PAK5: variants seen among roughly 807,000 people sequenced by gnomAD.
PAK5 encodes p21 (RAC1) activated kinase 5, also known as serine/threonine-protein kinase PAK 5.
PAK5 carries 16 observed loss-of-function variants against 65.9 expected under a neutral mutation model. That is an observed-to-expected ratio of 0.24 (90% confidence interval 0.16 to 0.37). The LOEUF is 0.37. Ranked by LOEUF, PAK5 falls within the 10% of genes least tolerant of loss-of-function variation. PAK5 has a pLI of 1.00. For synonymous variants in PAK5, 371 were observed against 354.9 expected, an observed-to-expected ratio of 1.05 and a Z score of -0.51; for missense variants, 785 against 903.9, an observed-to-expected ratio of 0.87 and a Z score of 1.69.
At chr20:9,790,112 A>C (rs1160774105) in intron 1 of PAK5, among the ~76,000 whole-genome samples, 1 of 152,160 alleles carries the variant, frequency 6.6e-6, no homozygotes, top group Non-Finnish European at 1.5e-5. Context: ...AGCCTGCTTT[A>C]TGCAGAGGCA....
intron 1 of PAK5, among the ~76,000 whole-genome samples, chr20:9,836,095 G>C (rs914826453): frequency 6.6e-6 from 1 of 152,088 alleles, no homozygotes; most frequent in Non-Finnish European, 1.5e-5. Flanking sequence ...CCCTACCATG[G>C]TTGTGTATAT....
At chr20:9,636,162 G>T (rs1395314425) in intron 3 of PAK5, among the ~76,000 whole-genome samples, 1 of 152,090 alleles carries the variant, frequency 6.6e-6, no homozygotes, top group Non-Finnish European at 1.5e-5. Flanking sequence ...TGGGAAAGCA[G>T]ATTTTTAAAA....
rs138953626 is a variant in PAK5 at position 9,598,176 on chromosome 20, T to G, written c.205-17246A>C. ...TCCCTGTGTCCATGTTTTCTCATTGTTCAGCTCCCACTTATGAGTGAGAAC... is the reference window on the plus strand; with the variant it reads ...TCCCTGTGTCCATGTTTTCTCATTGGTCAGCTCCCACTTATGAGTGAGAAC... On this transcript the variant is annotated intron_variant, in intron 3 of 9. Coordinates refer to ENST00000353224, the MANE Select transcript of PAK5 (RefSeq NM_177990.4). 1.4e-3 allele frequency among the ~76,000 whole-genome samples: 219 copies of G among 152,324 alleles called. 2 individuals carry two copies. Among genetic ancestry groups the G allele is most frequent in the African/African-American group, 4.9e-3 (202 of 41,582 alleles).
chr20:9,578,413 T>A (rs1312825779), intron 4 of PAK5, among the ~76,000 whole-genome samples: 1 of 152,218 alleles, frequency 6.6e-6, no homozygotes, highest in Non-Finnish European at 1.5e-5. Flanking sequence ...CTATTTGGAC[T>A]ATAGACATGT....
intron 1 of PAK5, among the ~76,000 whole-genome samples, chr20:9,736,261 T>G (rs778529146): frequency 6.6e-6 from 1 of 152,110 alleles, no homozygotes; most frequent in Admixed American, 6.5e-5. Flanking sequence ...GAACAACATA[T>G]GACCAACCTG....
At chr20:9,749,249 A>G (rs1278354857) in intron 1 of PAK5, among the ~76,000 whole-genome samples, 1 of 152,160 alleles carries the variant, frequency 6.6e-6, no homozygotes, top group Non-Finnish European at 1.5e-5. Context: ...ATTGAGAGCT[A>G]CCAACTCACA....
chr20:9,635,648 G>A (rs376778090), intron 3 of PAK5, among the ~76,000 whole-genome samples: 1 of 152,110 alleles, frequency 6.6e-6, no homozygotes, highest in Non-Finnish European at 1.5e-5. Context: ...TGTTCATCCA[G>A]ATGAGAACTT....
intron 2 of PAK5, among the ~76,000 whole-genome samples, chr20:9,648,149 GAC>G (rs2047157317): frequency 6.6e-6 from 1 of 152,134 alleles, no homozygotes; most frequent in Admixed American, 6.6e-5. Flanking sequence ...GAACTCATAG[GAC>G]TCTGCATACA....
chr20:9,593,154 A>C (rs2046202548), intron 3 of PAK5, among the ~76,000 whole-genome samples: 1 of 151,944 alleles, frequency 6.6e-6, no homozygotes, highest in African/African-American at 2.4e-5. Flanking sequence ...AGAAAAAAAA[A>C]ATAGCTGGGC....
At chr20:9,725,035 C>T (rs892040536) in intron 1 of PAK5, among the ~76,000 whole-genome samples, 1 of 151,836 alleles carries the variant, frequency 6.6e-6, no homozygotes, top group African/African-American at 2.4e-5. Context: ...TAACTACATA[C>T]CCACAAAAAT....
At chr20:9,801,721 A>C (rs1383154645) in intron 1 of PAK5, among the ~76,000 whole-genome samples, 1 of 152,068 alleles carries the variant, frequency 6.6e-6, no homozygotes, top group Non-Finnish European at 1.5e-5. Flanking sequence ...AAGATTTGTA[A>C]TTCAACATTT....
chr20:9,620,565 A>T (rs2046749870), intron 3 of PAK5, among the ~76,000 whole-genome samples: 1 of 152,188 alleles, frequency 6.6e-6, no homozygotes, highest in Non-Finnish European at 1.5e-5. Context: ...GATGGGGAAG[A>T]GGTTGCGCTC....
At chr20:9,836,891 T>G (rs1429282192) in intron 1 of PAK5, among the ~76,000 whole-genome samples, 2 of 152,162 alleles carry the variant, frequency 1.3e-5, no homozygotes, top group Non-Finnish European at 2.9e-5. Flanking sequence ...AACTGAGGCT[T>G]AGGAAAGTTA....
chr20:9,643,024 G>A (rs765168553), intron 3 of PAK5, among the ~76,000 whole-genome samples: 7 of 152,174 alleles, frequency 4.6e-5, no homozygotes, highest in Non-Finnish European at 8.8e-5. Flanking sequence ...TATTTCATAA[G>A]CATTTCCCAT....
intron 7 of PAK5, among the ~76,000 whole-genome samples, chr20:9,553,022 C>A (rs2045452985): frequency 6.6e-6 from 1 of 152,126 alleles, no homozygotes; most frequent in African/African-American, 2.4e-5. Context: ...CCACCACGCC[C>A]TGCCAACTTT....
At chr20:9,807,762 A>AATAATAATAATAATAAT (rs151079489) in intron 1 of PAK5, among the ~76,000 whole-genome samples, 1 of 142,326 alleles carries the variant, frequency 7.0e-6, no homozygotes, top group Non-Finnish European at 1.5e-5. Context: ...AGCAAAAAAT[A>AATAATAATAATAATAAT]AATAATAATA....
intron 3 of PAK5, among the ~76,000 whole-genome samples, chr20:9,617,162 A>C (rs2046672211): frequency 6.6e-6 from 1 of 152,236 alleles, no homozygotes; most frequent in Non-Finnish European, 1.5e-5. Flanking sequence ...ATTCGATTGC[A>C]TTTATAACTG....
intron 1 of PAK5, among the ~76,000 whole-genome samples, chr20:9,760,995 T>C (rs528331017): frequency 1.4e-4 from 22 of 152,300 alleles, no homozygotes; most frequent in African/African-American, 5.3e-4. Context: ...AGGCAGTACA[T>C]TCATTTAACA....
chr20:9,605,823 G>A (rs565252576), intron 3 of PAK5, among the ~76,000 whole-genome samples: 2 of 152,120 alleles, frequency 1.3e-5, no homozygotes, highest in Non-Finnish European at 2.9e-5. Context: ...CCAGCTACTG[G>A]GGAGGCTGAG....
Sources: allele counts gnomAD v4.1 joint callset (sites outside exome capture counted in the v4.1 genomes callset), GRCh38; gene constraint gnomAD v4.1.1; transcripts MANE v1.5; gene names NCBI Gene and HGNC (gene_info 2026-07-23, HGNC 2026-07-21).